PPRC1: variants seen among roughly 807,000 people sequenced by gnomAD.
The protein encoded by PPRC1 is PPARG related coactivator 1, also known as peroxisome proliferator-activated receptor gamma coactivator-related protein 1.
PPRC1 carries 23 observed loss-of-function variants against 132.5 expected under a neutral mutation model. The observed-to-expected ratio is 0.17, with a 90% confidence interval of 0.12 to 0.25. PPRC1 has a LOEUF of 0.25. Ranked by LOEUF, PPRC1 falls within the 10% of genes least tolerant of loss-of-function variation. The pLI is 1.00. For missense variants in PPRC1, 2,006 were observed against 2,089.1 expected, an observed-to-expected ratio of 0.96 and a Z score of 0.78; for synonymous variants, 872 against 833.5, an observed-to-expected ratio of 1.05 and a Z score of -0.80.
At chr10:102,131,879 A>G (rs1454040194), upstream of PPRC1, among the ~76,000 whole-genome samples, 3 of 152,192 alleles carry the variant, frequency 2.0e-5, no homozygotes, top group East Asian at 5.8e-4. Context: ...GCTGGTCTCA[A>G]ACTCCTTAGT....
the PPRC1 span, among the ~76,000 whole-genome samples, chr10:102,126,825 C>T: frequency 6.6e-6 from 1 of 151,768 alleles, no homozygotes; most frequent in Non-Finnish European, 1.5e-5. Context: ...CTTGCCCTGA[C>T]ACGTGACTCC....
intron 1 of PPRC1, among the ~76,000 whole-genome samples, chr10:102,133,830 G>C (rs2068617447): frequency 6.6e-6 from 1 of 152,088 alleles, no homozygotes; most frequent in Non-Finnish European, 1.5e-5. Flanking sequence ...GGAGGCCCGG[G>C]CCGGGAAGGA....
In PPRC1 at chr10:102,141,404, C is replaced by T. The variant is rs764671716; in HGVS notation, c.2896C>T (p.Pro966Ser). Reference sequence around the variant, plus strand: ...CACTTGCAGTGTGCCTTGGGCACCCCCTCCTGCCCCAGTCTCACCTTACAG... The same window carrying T: ...CACTTGCAGTGTGCCTTGGGCACCCTCTCCTGCCCCAGTCTCACCTTACAG... ...PPTCSVPWAP[P>S]PAPVSPYSST... The change falls in exon 5 of 14, where the codon CCT becomes TCT. Residue 966 changes from proline (P) to serine (S), a missense_variant. This residue lies in a region of PPRC1 where 1,914 missense variants were observed against 1,917.2 expected (regional missense o/e 1.00). Coordinates refer to ENST00000278070, the MANE Select transcript of PPRC1 (RefSeq NM_015062.5). The T allele has an allele frequency of 7.4e-5, 120 of 1,613,888 alleles. 1 individual carries two copies. Among genetic ancestry groups the T allele is most frequent in the Non-Finnish European group, 9.4e-5 (111 of 1,180,034 alleles).
chr10:102,150,109 G>C lies in PPRC1; in HGVS notation c.*80G>C. ...CACCCCCTTCCCCTACTCTAGGGGA[G>C]AGAGCTGCTAGTGAGATGACTGTTT... On this transcript the variant is annotated 3_prime_UTR_variant, in exon 14 of 14. Coordinates refer to ENST00000278070, the MANE Select transcript of PPRC1 (RefSeq NM_015062.5). 8 of 968,026 alleles carry C rather than the reference G, an allele frequency of 8.3e-6. No individual in the cohort carries two copies. The allele number at this position is 968,026 out of a possible 1,614,324, so 60.0% of individuals were successfully genotyped here.
the PPRC1 span, chr10:102,120,321 G>A: frequency 1.0e-6 from 1 of 984,632 alleles, no homozygotes; most frequent in Non-Finnish European, 1.2e-6. Flanking sequence ...GCAGGAAGGC[G>A]AGCGGCCTCT....
At chr10:102,128,556 A>C (rs1424667376), upstream of PPRC1, among the ~76,000 whole-genome samples, 1 of 152,116 alleles carries the variant, frequency 6.6e-6, no homozygotes. Flanking sequence ...AAGAGAGAGC[A>C]AGAGAGACAG....
At chr10:102,129,426 GAT>G (rs1340510930), upstream of PPRC1, among the ~76,000 whole-genome samples, 6 of 152,212 alleles carry the variant, frequency 3.9e-5, no homozygotes, top group African/African-American at 9.6e-5. Context: ...AAGACCCAGA[GAT>G]ATATTACCTT....
In PPRC1 at chr10:102,147,047, A is replaced by T. The variant is rs2069281873; in HGVS notation, c.4055A>T (p.Glu1352Val). The change falls in exon 9 of 14, where the codon GAG becomes GTG. Residue 1352 changes from glutamate (E) to valine (V), a missense_variant. By Grantham distance (121) the Glu-to-Val change is moderately radical. Transcript: ENST00000278070. The part of the protein sequence containing the change: ...PPPPCIAASR[E>V]PLDHRTSSEQ... ...CCCCCATGCATAGCTGCCTCCCGGG[A>T]GCCGCTTGATCACAGGACTAGCAGT... 2 of 1,613,924 alleles carry T rather than the reference A, an allele frequency of 1.2e-6. No individual in the cohort carries two copies. The highest frequency in any genetic ancestry group is 1.7e-5 in the Admixed American group (1 of 59,978).
Position 102,148,334 on chromosome 10 carries a change from C to A in PPRC1, c.4401-38C>A. ...GTGAGATAAGCAGAGTATACCTGAACCACTCCCAGCATTCCTGCATGCCCT... is the reference window on the plus strand; with the variant it reads ...GTGAGATAAGCAGAGTATACCTGAAACACTCCCAGCATTCCTGCATGCCCT... On this transcript the variant is annotated intron_variant, in intron 9 of 13. Coordinates refer to ENST00000278070, the MANE Select transcript of PPRC1 (RefSeq NM_015062.5). The surrounding 1 kb of genome is among the most constrained non-coding windows in gnomAD (Gnocchi z 4.2). 6.2e-7 allele frequency: 1 copy of A among 1,604,422 alleles called. No homozygotes were observed. The highest frequency in any genetic ancestry group is 8.5e-7 in the Non-Finnish European group (1 of 1,175,604).
rs1188213922 is a variant in PPRC1, at chr10:102,138,958, C to T, written c.569C>T (p.Thr190Ile). 7.4e-6 allele frequency: 12 copies of T among 1,613,856 alleles called. No individual in the cohort carries two copies. Among genetic ancestry groups the T allele is most frequent in the Non-Finnish European group, 4.2e-6 (5 of 1,179,834 alleles). The change falls in exon 4 of 14, where the codon ACA (threonine) becomes ATA (isoleucine). Residue 190 changes from threonine to isoleucine, a missense_variant. By Grantham distance (89) the Thr-to-Ile change is moderately conservative (BLOSUM62 -1). Transcript: ENST00000278070. Reference sequence around the variant, plus strand: ...CCAGTTGACCCACTGGGGCCCAGTACAGGCAGCAGTAGAGGGAGTGGGGTA... The same window carrying T: ...CCAGTTGACCCACTGGGGCCCAGTATAGGCAGCAGTAGAGGGAGTGGGGTA... Reference protein sequence around the residue: ...ITPVDPLGPSTGSSRGSGVEM... With the variant: ...ITPVDPLGPSIGSSRGSGVEM...
At chr10:102,138,828 T>C (rs749328697) in intron 3 of PPRC1, 51 bp from the exon 4 acceptor site, 29 of 1,611,610 alleles carry the variant, frequency 1.8e-5, no homozygotes, top group Non-Finnish European at 2.5e-5. Context: ...GTGGACCTAC[T>C]CATATAGCTC....
chr10:102,121,968 C>A, the PPRC1 span, among the ~76,000 whole-genome samples: 1 of 152,090 alleles, frequency 6.6e-6, no homozygotes, highest in Admixed American at 6.5e-5. Context: ...AATGATGGAA[C>A]GGTGCAGAGT....
chr10:102,120,747 G>A, the PPRC1 span, among the ~76,000 whole-genome samples: 1 of 152,198 alleles, frequency 6.6e-6, no homozygotes, highest in Admixed American at 6.5e-5. Context: ...CGCGCGCTCG[G>A]TGTCCGTCCT....
chr10:102,141,596 C>T lies in PPRC1; in HGVS notation c.3088C>T (p.Leu1030Phe), dbSNP rs1190891033. The T allele has an allele frequency of 1.7e-5, 27 of 1,614,062 alleles. No individual in the cohort carries two copies. In the Admixed American group the frequency reaches 2.7e-4, roughly 16 times the overall value. Residue 1030 changes from leucine (L) to phenylalanine (F), a missense_variant, in exon 5 of 14, where the codon CTT becomes TTT. Coordinates refer to ENST00000278070, the MANE Select transcript of PPRC1 (RefSeq NM_015062.5). ...GTPAGPPENV[L>F]PLSMAPPLSL... is the part of the protein sequence containing the mutation. The stretch of plus-strand genomic sequence containing the variant: ...TCCAGCTGGCCCTCCTGAAAATGTA[C>T]TTCCCTTGTCGATGGCTCCTCCCCT...
chr10:102,133,641 A>C (rs1300752857), intron 1 of PPRC1, among the ~76,000 whole-genome samples: 1 of 151,550 alleles, frequency 6.6e-6, no homozygotes, highest in African/African-American at 2.4e-5. Flanking sequence ...CGGCCCGGGC[A>C]TCCACGTGGG....
chr10:102,148,436 T>G lies in PPRC1; in HGVS notation c.4465T>G (p.Ser1489Ala). The change falls in exon 10 of 14, where the codon TCT becomes GCT. Residue 1489 changes from serine (S) to alanine (A), a missense_variant. This residue lies in a region of PPRC1 where 1,914 missense variants were observed against 1,917.2 expected (regional missense o/e 1.00). Coordinates refer to ENST00000278070, the MANE Select transcript of PPRC1 (RefSeq NM_015062.5). The surrounding 1 kb of genome is among the most constrained non-coding windows in gnomAD (Gnocchi z 4.2). ...TTCCTCTTCTTCGTCATCATCTTCC[T>G]CTTCGTCTTCCTCATCCTCATCATC... ...CSSSSSSSSS[S>A]SSSSSSSSSS... 2 of 1,611,466 alleles carry G rather than the reference T, an allele frequency of 1.2e-6. No homozygotes were observed. Among genetic ancestry groups the G allele is most frequent in the Non-Finnish European group, 1.7e-6 (2 of 1,177,566 alleles).
Position 102,141,907 on chromosome 10 carries a change from T to G in PPRC1, c.3399T>G (p.Pro1133=), listed in dbSNP as rs1268083025. The G allele has an allele frequency of 6.2e-7, 1 of 1,614,046 alleles. No individual in the cohort carries two copies. Among genetic ancestry groups the G allele is most frequent in the East Asian group, 2.2e-5 (1 of 44,896 alleles). ...GGCAGAGCACTGTCCCCAAGCTGCC[T>G]GCTGTCCACCCAGCCCGTCTAAGGA... is the stretch of plus-strand genomic sequence containing the variant. ...TPRQSTVPKL[P]AVHPARLRKL... is the part of the protein sequence containing the mutation. The change falls in exon 5 of 14, where the codon CCT becomes CCG. Residue 1133 remains proline (P), a synonymous_variant. Coordinates refer to ENST00000278070, the MANE Select transcript of PPRC1 (RefSeq NM_015062.5).
In PPRC1 at chr10:102,139,385, G is replaced by C; in HGVS notation, c.877G>C (p.Ala293Pro). Reference protein sequence around the residue: ...EEDKATAAEMAVPAAGDESIS... With the variant: ...EEDKATAAEMPVPAAGDESIS... ...AGATAAAGCAACAGCAGCAGAGATG[G>C]CAGTGCCAGCAGCTGGTGATGAGAG... Residue 293 changes from alanine (A) to proline (P), a missense_variant, in exon 5 of 14, where the codon GCA becomes CCA. Physicochemically the swap from Ala to Pro is conservative, Grantham distance 27 (BLOSUM62 -1). Around this residue, in one of 2 missense-constraint regions of PPRC1, gnomAD observed 1,914 missense variants for 1,917.2 expected, o/e 1.00. Transcript: ENST00000278070. The C allele has an allele frequency of 6.2e-7, 1 of 1,614,236 alleles. No individual in the cohort carries two copies. Among genetic ancestry groups the C allele is most frequent in the Non-Finnish European group, 8.5e-7 (1 of 1,180,040 alleles).
At chr10:102,122,039 T>G in the PPRC1 span, among the ~76,000 whole-genome samples, 3 of 152,070 alleles carry the variant, frequency 2.0e-5, no homozygotes, top group African/African-American at 7.3e-5. Flanking sequence ...GTGCTTAGGA[T>G]GGGGGATAGG....
Sources: gnomAD v4.1 joint callset for allele counts (sites outside exome capture counted in the v4.1 genomes callset) on GRCh38, gnomAD v4.1.1 for gene constraint, gnomAD v4.1.1 regional missense constraint, Gnocchi (gnomAD v3.1) non-coding constraint, MANE v1.5 for transcripts, NCBI Gene and HGNC (gene_info 2026-07-23, HGNC 2026-07-21) for gene names.